Variants in ZNF138 observed in about 807,000 individuals in gnomAD.
ZNF138 encodes zinc finger protein 138 (clone pHZ-32).
ZNF138 carries 33 observed loss-of-function variants against 33.0 expected under a neutral mutation model. The observed-to-expected ratio is 1.00, with a 90% CI of 0.76 to 1.34. The LOEUF (loss-of-function observed/expected upper bound fraction) is 1.34. ZNF138 is among the 40% of genes most tolerant of loss of function. The pLI is 0.00. For synonymous variants in ZNF138, 139 were observed against 120.4 expected (o/e 1.15, Z -1.01); for missense variants, 360 against 370.8 (o/e 0.97, Z 0.24).
At chr7:64,847,008 T>G in the ZNF138 span, among the ~76,000 whole-genome samples, 1 of 152,244 alleles carries the variant, frequency 6.6e-6, no homozygotes, top group Non-Finnish European at 1.5e-5. Flanking sequence ...TATCTGCATC[T>G]ATTGAGATAA....
intron 1 of ZNF138, among the ~76,000 whole-genome samples, chr7:64,807,265 G>A (rs929618819): frequency 5.6e-4 from 86 of 152,292 alleles, no homozygotes; most frequent in African/African-American, 2.0e-3. Context: ...CTGTGCATGT[G>A]TCTTTAATTC....
chr7:64,848,667 G>C, the ZNF138 span, among the ~76,000 whole-genome samples: 15 of 142,202 alleles, frequency 1.1e-4, no homozygotes, highest in Non-Finnish European at 1.5e-5. Flanking sequence ...ATTTCTTCTT[G>C]GTTTAGATCC....
intron 3 of ZNF138, among the ~76,000 whole-genome samples, chr7:64,825,171 T>C (rs1445116261): frequency 8.4e-6 from 1 of 118,492 alleles, no homozygotes; most frequent in African/African-American, 3.3e-5. Context: ...TTTTTTTTTT[T>C]TTTTTTTTTT....
downstream of ZNF138, among the ~76,000 whole-genome samples, chr7:64,834,700 A>G (rs185371733): frequency 6.6e-6 from 1 of 152,322 alleles, no homozygotes; most frequent in East Asian, 1.9e-4. Flanking sequence ...GAGTAAAGAC[A>G]TTACAATGTA....
intron 1 of ZNF138, among the ~76,000 whole-genome samples, chr7:64,799,596 T>G (rs553617224): frequency 6.6e-6 from 1 of 152,282 alleles, no homozygotes; most frequent in East Asian, 1.9e-4. Flanking sequence ...CCTGGATGTT[T>G]TATTATTTTT....
Position 64,831,473 on chromosome 7 carries a change from A to C in ZNF138, c.231A>C (p.Gln77His). 1 of 1,567,254 alleles carries C rather than the reference A, an allele frequency of 6.4e-7. No homozygotes were observed. Among genetic ancestry groups the C allele is most frequent in the Non-Finnish European group, 8.6e-7 (1 of 1,161,742 alleles). Residue 77 changes from glutamine (Q) to histidine (H), a missense_variant, in exon 4 of 4, where the codon CAA becomes CAC. Coordinates refer to ENST00000307355, the MANE Select transcript of ZNF138 (RefSeq NM_001271639.2). ...CAGCTCTGTGTTCTCGTTTTGCCCA[A>C]GACCTTTGGCTAGAGCAGAACATAA... ...KHSALCSRFA[Q>H]DLWLEQNIKD...
the ZNF138 span, among the ~76,000 whole-genome samples, chr7:64,842,901 T>C: frequency 6.6e-6 from 1 of 152,260 alleles, no homozygotes; most frequent in Non-Finnish European, 1.5e-5. Flanking sequence ...ATAGTCACTA[T>C]GCTGTACAAA....
chr7:64,846,978 T>C, the ZNF138 span, among the ~76,000 whole-genome samples: 1 of 152,214 alleles, frequency 6.6e-6, no homozygotes, highest in Non-Finnish European at 1.5e-5. Flanking sequence ...AAAGGGATCC[T>C]GGAATTTTGT....
chr7:64,845,116 A>G, the ZNF138 span, among the ~76,000 whole-genome samples: 1 of 152,140 alleles, frequency 6.6e-6, no homozygotes, highest in Admixed American at 6.6e-5. Context: ...TCCACCATCC[A>G]CTGTGTCATT....
chr7:64,805,059 C>G (rs1787466641), intron 1 of ZNF138, among the ~76,000 whole-genome samples: 1 of 152,144 alleles, frequency 6.6e-6, no homozygotes, highest in Non-Finnish European at 1.5e-5. Flanking sequence ...CCTATCTGGA[C>G]TCATGCTGAA....
At chr7:64,833,881 C>T (rs1277213939), downstream of ZNF138, among the ~76,000 whole-genome samples, 4 of 152,214 alleles carry the variant, frequency 2.6e-5, no homozygotes, top group South Asian at 2.1e-4. Flanking sequence ...TGTACCATCA[C>T]GCCCGGCTAA....
At chr7:64,853,123 C>T in the ZNF138 span, 9 of 1,435,814 alleles carry the variant, frequency 6.3e-6, no homozygotes, top group South Asian at 9.2e-5. Context: ...CCAAGGAAAG[C>T]CCACCGTGTC....
chr7:64,834,831 G>C (rs1487196079), downstream of ZNF138, among the ~76,000 whole-genome samples: 1 of 152,062 alleles, frequency 6.6e-6, no homozygotes, highest in African/African-American at 2.4e-5. Flanking sequence ...AATAATTTTA[G>C]TTAAAATTAA....
chr7:64,805,659 G>A (rs1368088919), intron 1 of ZNF138, among the ~76,000 whole-genome samples: 1 of 152,216 alleles, frequency 6.6e-6, no homozygotes, highest in East Asian at 1.9e-4. Flanking sequence ...GAGAGGGCAA[G>A]CAGGAGTGCT....
intron 1 of ZNF138, among the ~76,000 whole-genome samples, chr7:64,798,232 C>T (rs1385804328): frequency 5.9e-5 from 9 of 152,200 alleles, no homozygotes; most frequent in Non-Finnish European, 1.5e-5. Context: ...TGAGCCACCA[C>T]GCTCAGCCCA....
intron 3 of ZNF138, among the ~76,000 whole-genome samples, chr7:64,826,778 T>A (rs1789651985): frequency 6.6e-6 from 1 of 152,142 alleles, no homozygotes; most frequent in Admixed American, 6.5e-5. Flanking sequence ...GCCTCCCAAG[T>A]AGCTGGCATT....
chr7:64,846,078 T>C, the ZNF138 span, among the ~76,000 whole-genome samples: 3 of 152,170 alleles, frequency 2.0e-5, no homozygotes, highest in African/African-American at 7.2e-5. Context: ...CTGTAAGTAT[T>C]TGAGTGTATT....
intron 1 of ZNF138, 56 bp from the exon 2 acceptor site, chr7:64,814,862 C>G: frequency 6.2e-7 from 1 of 1,601,854 alleles, no homozygotes; most frequent in Non-Finnish European, 8.5e-7. Flanking sequence ...ATTTAAAATT[C>G]TGCCCATGGC....
At chr7:64,859,398 A>G in the ZNF138 span, among the ~76,000 whole-genome samples, 6 of 152,326 alleles carry the variant, frequency 3.9e-5, no homozygotes, top group Non-Finnish European at 8.8e-5. Flanking sequence ...TAACCTGTTC[A>G]TGTCTATGTC....
Sources: gnomAD v4.1 joint callset for allele counts (sites outside exome capture counted in the v4.1 genomes callset) on GRCh38, gnomAD v4.1.1 for gene constraint, MANE v1.5 for transcripts, NCBI Gene and HGNC (gene_info 2026-07-23, HGNC 2026-07-21) for gene names.